Variants in LIPT1 observed in about 807,000 individuals in gnomAD.
LIPT1 encodes lipoyl amidotransferase LIPT1, mitochondrial.
Under a neutral mutation model 25.1 loss-of-function variants are expected in LIPT1, and 22 were observed. The observed-to-expected ratio is 0.88, with a 90% CI of 0.63 to 1.25. The LOEUF is 1.25. Ranked by LOEUF, LIPT1 falls within the 50% of genes most tolerant of loss-of-function variation. LIPT1 has a pLI of 0.00. For missense variants in LIPT1, 399 were observed against 432.8 expected (o/e 0.92, Z 0.69); for synonymous variants, 131 against 150.8 (o/e 0.87, Z 0.96).
intron 1 of LIPT1, among the ~76,000 whole-genome samples, chr2:99,157,320 T>C (rs536850208): frequency 1.3e-4 from 20 of 152,350 alleles, no homozygotes; most frequent in African/African-American, 4.8e-4. Flanking sequence ...ACCTGAACTC[T>C]GGATCCCAGT....
At chr2:99,155,902 A>G (rs1374608598) in intron 1 of LIPT1, among the ~76,000 whole-genome samples, 1 of 152,222 alleles carries the variant, frequency 6.6e-6, no homozygotes, top group African/African-American at 2.4e-5. Flanking sequence ...TTTTCTGATT[A>G]TGTATTCACC....
chr2:99,162,053 C>T lies in LIPT1; in HGVS notation c.96C>T (p.Leu32=), dbSNP rs2093797613. 2.5e-6 allele frequency: 4 copies of T among 1,614,038 alleles called. No homozygotes were observed. Among genetic ancestry groups the T allele is most frequent in the South Asian group, 2.2e-5 (2 of 91,080 alleles). Residue 32 remains leucine, a synonymous_variant, in exon 2 of 2, where the codon CTC becomes CTT. Transcript: ENST00000651691. ...TTAAAAAAACAGTAAAAAATGGGCT[C>T]ATTTTACAGTCAATTTCCAATGATG... ...AGFKKTVKNG[L]ILQSISNDVY...
rs1310247310 is a variant in LIPT1 at position 99,162,075 on chromosome 2, G to T, written c.118G>T (p.Asp40Tyr). 29 of 1,613,954 alleles carry T rather than the reference G, an allele frequency of 1.8e-5. No homozygotes were observed. The highest frequency in any genetic ancestry group is 2.4e-5 in the Non-Finnish European group (28 of 1,180,014). ...NGLILQSISN[D>Y]VYQNLAVEDW... ...GCTCATTTTACAGTCAATTTCCAAT[G>T]ATGTCTATCAAAATCTGGCTGTGGA... Residue 40 changes from aspartate to tyrosine, a missense_variant, in exon 2 of 2, where the codon GAT (aspartate) becomes TAT (tyrosine). Physicochemically the swap from Asp to Tyr is radical, Grantham distance 160 (BLOSUM62 -3). Transcript: ENST00000651691.
At chr2:99,156,757 G>C (rs2093758562) in intron 1 of LIPT1, 1 of 152,224 alleles carries the variant, frequency 6.6e-6, no homozygotes, top group Admixed American at 6.5e-5. Context: ...TAAAATACAT[G>C]CATTGGCTCA....
At chr2:99,161,272 A>T (rs1574808743) in intron 1 of LIPT1, among the ~76,000 whole-genome samples, 3 of 31,084 alleles carry the variant, frequency 9.7e-5, no homozygotes, top group African/African-American at 1.0e-4. Context: ...AAAAAAAAAA[A>T]AAAAAAAAAA....
intron 1 of LIPT1, 76 bp from the exon 2 acceptor site, chr2:99,161,881 T>C: frequency 7.6e-7 from 1 of 1,309,078 alleles, no homozygotes. Context: ...AAATAACCGA[T>C]AATTGATAGT....
At position 99,162,693 on chromosome 2, in the gene LIPT1, C is replaced by G. The variant is rs2093805866; in HGVS notation, c.736C>G (p.His246Asp). 22 of 1,614,156 alleles carry G rather than the reference C, an allele frequency of 1.4e-5. No individual in the cohort carries two copies. Among genetic ancestry groups the G allele is most frequent in the Non-Finnish European group, 1.8e-5 (21 of 1,180,016 alleles). ...TTATCATCAAATTGATAATCACATT[C>G]ACCTAATAAACCCAACGGATGAGAC... Reference protein sequence around the residue: ...AAYHQIDNHIHLINPTDETLF... With the variant: ...AAYHQIDNHIDLINPTDETLF... Residue 246 changes from histidine (H) to aspartate (D), a missense_variant, in exon 2 of 2, where the codon CAC (histidine) becomes GAC (aspartate). Physicochemically the swap from His to Asp is moderately conservative, Grantham distance 81 (BLOSUM62 -1). Transcript: ENST00000651691.
intron 1 of LIPT1, 152 bp from the exon 2 acceptor site, chr2:99,161,805 T>C: frequency 5.3e-6 from 3 of 566,660 alleles, no homozygotes; most frequent in Non-Finnish European, 9.3e-6. Flanking sequence ...GGTTATAGCA[T>C]TGCTAAAGAC....
rs775475335 is a variant in LIPT1, at chr2:99,163,022, C to T, written c.1065C>T (p.Asp355=). Residue 355 remains aspartate (D), a synonymous_variant, in exon 2 of 2, where the codon GAC becomes GAT. Transcript: ENST00000651691. ...TNILLRTCPQ[D]HKLNSKWNIL... is the part of the protein sequence containing the mutation. ...TATTACTTAGAACATGTCCACAAGA[C>T]CACAAACTAAACAGTAAATGGAATA... 11 of 1,599,082 alleles carry T rather than the reference C, an allele frequency of 6.9e-6. 1 individual carries two copies. In the East Asian group the frequency reaches 2.2e-4, roughly 33 times the overall value.
chr2:99,159,309 T>A (rs1022187162), intron 1 of LIPT1, among the ~76,000 whole-genome samples: 1 of 152,222 alleles, frequency 6.6e-6, no homozygotes, highest in Non-Finnish European at 1.5e-5. Flanking sequence ...GTGATCCGCC[T>A]GCCTCGGCCT....
intron 1 of LIPT1, 46 bp from the exon 2 acceptor site, chr2:99,161,911 T>A: frequency 6.9e-7 from 1 of 1,454,550 alleles, no homozygotes; most frequent in African/African-American, 1.4e-5. Flanking sequence ...GAATTTAATG[T>A]TCCTTTTCTC....
chr2:99,161,820 T>G (rs1157820479), intron 1 of LIPT1, 137 bp from the exon 2 acceptor site: 21 of 644,198 alleles, frequency 3.3e-5, no homozygotes, highest in Non-Finnish European at 5.3e-5. Flanking sequence ...AAAGACTAAT[T>G]GTAAAGCTAA....
intron 1 of LIPT1, among the ~76,000 whole-genome samples, chr2:99,157,757 C>T (rs2093764388): frequency 6.6e-6 from 1 of 152,194 alleles, no homozygotes; most frequent in South Asian, 2.1e-4. Context: ...AATGTTGCTG[C>T]TCTTCAGTCT....
chr2:99,155,346 A>G (rs1370093885), intron 1 of LIPT1: 1 of 377,734 alleles, frequency 2.6e-6, no homozygotes, highest in Non-Finnish European at 5.3e-6. Flanking sequence ...TAAAACATGC[A>G]CACGACCGTA....
rs538851276 is a variant in LIPT1, at chr2:99,155,987, ATG to A, written c.-2+937_-2+938del. Among the ~76,000 whole-genome samples, 353 of 152,324 alleles carry A rather than the reference ATG, an allele frequency of 2.3e-3. 1 individual carries two copies. Among genetic ancestry groups the A allele is most frequent in the Admixed American group, 0.021 (321 of 15,304 alleles). On this transcript the variant is annotated intron_variant, in intron 1 of 1. Transcript: ENST00000651691. ...ACAGGCTCATCTGAATATCTGATAG[ATG>A]GTCTATAGTTCTCTTTGTAAATCAA...
rs750218625 is a variant in LIPT1, at chr2:99,155,047, C to G, written c.-6C>G. 2 of 455,620 alleles carry G rather than the reference C, an allele frequency of 4.4e-6. No individual in the cohort carries two copies. The highest frequency in any genetic ancestry group is 4.0e-5 in the African/African-American group (2 of 50,066). 28.2% of individuals were successfully genotyped at this position (455,620 alleles called of 1,614,324 possible). A position where few individuals can be genotyped will look rare whatever the true frequency, so the allele number is the denominator to read the frequency against. On this transcript the variant is annotated 5_prime_UTR_variant, in exon 1 of 2. Transcript: ENST00000651691. Reference sequence around the variant, plus strand: ...CGAGGCCGTGGGTACGACCGGAAGCCGCAGGTGGGTGAAGCGGAAACGCTT... The same window carrying G: ...CGAGGCCGTGGGTACGACCGGAAGCGGCAGGTGGGTGAAGCGGAAACGCTT...
In LIPT1 at chr2:99,162,368, G is replaced by C. The variant is rs762923266; in HGVS notation, c.411G>C (p.Leu137=). Residue 137 remains leucine, a synonymous_variant, in exon 2 of 2, where the codon CTG becomes CTC. Transcript: ENST00000651691. ...ATCTGAAATTAATTGTGAGAGCTCT[G>C]AATGCTGTCCAACCCCAGCTGGATG... ...MENLKLIVRA[L]NAVQPQLDVQ... The C allele has an allele frequency of 1.9e-6, 3 of 1,613,850 alleles. No individual in the cohort carries two copies. Among genetic ancestry groups the C allele is most frequent in the Non-Finnish European group, 2.5e-6 (3 of 1,180,034 alleles).
chr2:99,159,113 A>G (rs1337143606), intron 1 of LIPT1, among the ~76,000 whole-genome samples: 1 of 152,050 alleles, frequency 6.6e-6, no homozygotes, highest in Non-Finnish European at 1.5e-5. Context: ...TATTTTTAGT[A>G]GAGACGGGGT....
intron 1 of LIPT1, among the ~76,000 whole-genome samples, chr2:99,160,963 G>A (rs1229709150): frequency 6.6e-6 from 1 of 151,978 alleles, no homozygotes; most frequent in Non-Finnish European, 1.5e-5. Flanking sequence ...CATTAAAGCT[G>A]ATGCAAAATA....
Sources: allele counts gnomAD v4.1 joint callset (sites outside exome capture counted in the v4.1 genomes callset), GRCh38; gene constraint gnomAD v4.1.1; transcripts MANE v1.5; gene names NCBI Gene and HGNC (gene_info 2026-07-23, HGNC 2026-07-21).